NELL1: variants seen among roughly 807,000 people sequenced by gnomAD.
NELL1 encodes protein kinase C-binding protein NELL1.
A neutral mutation model predicts 107.4 loss-of-function variants in NELL1; 76 were observed. The observed-to-expected ratio is 0.71, with a 90% CI of 0.59 to 0.86. The LOEUF (loss-of-function observed/expected upper bound fraction) is 0.86, where lower values mean the gene tolerates loss of function less well. Among genes scored for constraint, NELL1 ranks in the 40% least tolerant of loss-of-function variants. The pLI, the probability that NELL1 is intolerant of heterozygous loss-of-function variation, is 0.00. For synonymous variants in NELL1, 353 were observed against 341.2 expected, an observed-to-expected ratio of 1.03 and a Z score of -0.38; for missense variants, 1,024 against 1,005.5, an observed-to-expected ratio of 1.02 and a Z score of -0.25.
At chr11:21,534,647 T>C in intron 16 of NELL1, 133 bp downstream of exon 16, 1 of 948,546 alleles carries the variant, frequency 1.1e-6, no homozygotes, top group Non-Finnish European at 1.6e-6. Flanking sequence ...TTTCAAATTT[T>C]CTCCCTCTAC....
chr11:21,365,562 A>G (rs1851201329), intron 14 of NELL1, among the ~76,000 whole-genome samples: 1 of 152,160 alleles, frequency 6.6e-6, no homozygotes, highest in South Asian at 2.1e-4. Context: ...TATTATTATG[A>G]TTACTGTTGA....
chr11:21,059,681 A>G (rs544810739), intron 12 of NELL1, among the ~76,000 whole-genome samples: 35 of 152,272 alleles, frequency 2.3e-4, no homozygotes, highest in African/African-American at 6.7e-4. Flanking sequence ...GACAGTAGTC[A>G]TCTCTTCTAT....
At chr11:20,680,314 A>C (rs571699253) in intron 2 of NELL1, among the ~76,000 whole-genome samples, 2 of 152,206 alleles carry the variant, frequency 1.3e-5, no homozygotes, top group East Asian at 3.9e-4. Context: ...TCCCACATGC[A>C]AAATACATTC....
chr11:20,926,138 G>A (rs900985348), intron 7 of NELL1, among the ~76,000 whole-genome samples: 2 of 152,190 alleles, frequency 1.3e-5, no homozygotes, highest in Admixed American at 1.3e-4. Context: ...AATCATGGTG[G>A]TCTCTATGTA....
chr11:21,106,173 A>G (rs994323853), intron 12 of NELL1, among the ~76,000 whole-genome samples: 1 of 151,938 alleles, frequency 6.6e-6, no homozygotes, highest in African/African-American at 2.4e-5. Flanking sequence ...AAAAGATCAG[A>G]GACCTAGCCC....
chr11:20,933,654 A>ATGG (rs1850663107), intron 9 of NELL1, among the ~76,000 whole-genome samples: 1 of 152,160 alleles, frequency 6.6e-6, no homozygotes, highest in Non-Finnish European at 1.5e-5. Context: ...GTACCAAGGG[A>ATGG]TGGCTGGAGT....
chr11:21,258,906 T>G lies in NELL1; in HGVS notation c.1549+29452T>G, dbSNP rs145623429. 7.1e-3 allele frequency among the ~76,000 whole-genome samples: 1,080 copies of G among 151,954 alleles called. 16 individuals carry two copies. The highest frequency in any genetic ancestry group is 0.024 in the African/African-American group (1,004 of 41,456). ...GTAGCCATAATTATTACTAATGGAA[T>G]TGTTTAGAGAAGCAAGAGTTGGATC... On this transcript the variant is annotated intron_variant, in intron 14 of 19. Coordinates refer to ENST00000357134, the MANE Select transcript of NELL1 (RefSeq NM_006157.5).
chr11:21,207,875 G>A (rs1168394570), intron 13 of NELL1, among the ~76,000 whole-genome samples: 9 of 152,018 alleles, frequency 5.9e-5, no homozygotes, highest in Non-Finnish European at 1.2e-4. Context: ...AGATACATCT[G>A]GAATCCATTT....
At chr11:20,931,214 A>C (rs1303999902) in intron 9 of NELL1, among the ~76,000 whole-genome samples, 1 of 151,036 alleles carries the variant, frequency 6.6e-6, no homozygotes, top group South Asian at 2.1e-4. Context: ...ATGGCCTGGG[A>C]GGGAGGGGGA....
Position 21,352,852 on chromosome 11 carries a change from G to A in NELL1, c.1550-18001G>A, listed in dbSNP as rs143738285. On this transcript the variant is annotated intron_variant, in intron 14 of 19. Coordinates refer to ENST00000357134, the MANE Select transcript of NELL1 (RefSeq NM_006157.5). ...CTGGGAAACTTTGCTTCTCTCCTGT[G>A]TACTCTGCAAATGTTGGATGAAGCC... 7.2e-5 allele frequency among the ~76,000 whole-genome samples: 11 copies of A among 152,278 alleles called. No individual in the cohort carries two copies. The East Asian group carries it at 2.1e-3, about 29-fold the overall frequency.
intron 2 of NELL1, among the ~76,000 whole-genome samples, chr11:20,699,403 C>G (rs987126587): frequency 2.0e-5 from 3 of 151,748 alleles, no homozygotes; most frequent in African/African-American, 4.8e-5. Flanking sequence ...CTCTGTCACT[C>G]AGGCTGGAGT....
At chr11:21,053,267 C>T (rs1274136195) in intron 12 of NELL1, among the ~76,000 whole-genome samples, 1 of 152,138 alleles carries the variant, frequency 6.6e-6, no homozygotes, top group Non-Finnish European at 1.5e-5. Context: ...CTATCCCTCC[C>T]CTAGCCCCCC....
intron 2 of NELL1, among the ~76,000 whole-genome samples, chr11:20,727,419 A>C (rs373794683): frequency 6.6e-5 from 10 of 152,026 alleles, no homozygotes; most frequent in East Asian, 3.9e-4. Context: ...CTGTTCATAT[A>C]CTTTGCCCAC....
intron 5 of NELL1, among the ~76,000 whole-genome samples, chr11:20,917,123 C>T (rs1041980787): frequency 1.1e-4 from 17 of 151,884 alleles, no homozygotes; most frequent in Non-Finnish European, 1.0e-4. Flanking sequence ...TTAATTGCTC[C>T]CTGGTATTCC....
At chr11:21,064,917 C>T (rs1333285085) in intron 12 of NELL1, among the ~76,000 whole-genome samples, 2 of 152,126 alleles carry the variant, frequency 1.3e-5, no homozygotes, top group South Asian at 4.1e-4. Flanking sequence ...AATCATTATG[C>T]ATACTTAAGT....
intron 11 of NELL1, among the ~76,000 whole-genome samples, chr11:20,949,020 AT>A (rs1366450633): frequency 6.6e-6 from 1 of 152,046 alleles, no homozygotes; most frequent in Non-Finnish European, 1.5e-5. Flanking sequence ...CAAAATAAAT[AT>A]TTTTGACTTT....
In NELL1 at chr11:21,230,370, G is replaced by C. The variant is rs574447276; in HGVS notation, c.1549+916G>C. Reference sequence around the variant, plus strand: ...CCACTAGAATGTAAGCTCCATGACAGTGAACACTTGATCTTCTCCCCCCAT... The same window carrying C: ...CCACTAGAATGTAAGCTCCATGACACTGAACACTTGATCTTCTCCCCCCAT... On this transcript the variant is annotated intron_variant, in intron 14 of 19. Transcript: ENST00000357134. 1.7e-4 allele frequency among the ~76,000 whole-genome samples: 26 copies of C among 152,250 alleles called. 2 individuals are homozygous for C. The South Asian group carries it at 5.4e-3, about 32-fold the overall frequency.
At chr11:21,495,680 C>T (rs1854958855) in intron 15 of NELL1, among the ~76,000 whole-genome samples, 1 of 152,056 alleles carries the variant, frequency 6.6e-6, no homozygotes, top group African/African-American at 2.4e-5. Flanking sequence ...GTTATTATCT[C>T]ACTTTTTGAT....
intron 7 of NELL1, among the ~76,000 whole-genome samples, chr11:20,922,842 G>A (rs1428982924): frequency 1.3e-5 from 2 of 152,086 alleles, no homozygotes; most frequent in Admixed American, 6.6e-5. Context: ...ATGTAAAATG[G>A]TGACAATTAT....
Sources: allele counts gnomAD v4.1 joint callset (sites outside exome capture counted in the v4.1 genomes callset), GRCh38; gene constraint gnomAD v4.1.1; transcripts MANE v1.5; gene names NCBI Gene and HGNC (gene_info 2026-07-23, HGNC 2026-07-21).